The following MYH14 variants were observed in gnomAD, a reference collection of about 807,000 sequenced individuals.
MYH14 encodes myosin-14.
Under a neutral mutation model 255.5 loss-of-function variants are expected in MYH14, and 123 were observed. The observed-to-expected ratio is 0.48, with a 90% CI of 0.42 to 0.56. The LOEUF (loss-of-function observed/expected upper bound fraction) is 0.56, where lower values mean the gene tolerates loss of function less well. Ranked by LOEUF, MYH14 falls within the 20% of genes least tolerant of loss-of-function variation. The probability of loss-of-function intolerance (pLI) is 0.00; values close to 1 mark genes in which losing one functional copy is unlikely to be tolerated. For synonymous variants in MYH14, 1,095 were observed against 1,161.2 expected (o/e 0.94, Z 1.16); for missense variants, 2,423 against 2,802.3 (o/e 0.86, Z 3.06).
rs780906800 is a variant in MYH14, at chr19:50,249,731, G to A, written c.1564G>A (p.Glu522Lys). 1 of 1,614,192 alleles carries A rather than the reference G, an allele frequency of 6.2e-7. No individual in the cohort carries two copies. The highest frequency in any genetic ancestry group is 1.1e-5 in the South Asian group (1 of 91,076). Reference sequence around the variant, plus strand: ...CTTCAACCACACCATGTTCGTGCTGGAGCAGGAGGAGTACCAGCGTGAGGG... The same window carrying A: ...CTTCAACCACACCATGTTCGTGCTGAAGCAGGAGGAGTACCAGCGTGAGGG... Reference protein sequence around the residue: ...QLFNHTMFVLEQEEYQREGIP... With the variant: ...QLFNHTMFVLKQEEYQREGIP... The change falls in exon 14 of 43, where the codon GAG becomes AAG. Residue 522 changes from glutamate to lysine, a missense_variant. Glu to Lys is a moderately conservative substitution (Grantham distance 56, BLOSUM62 1). Transcript: ENST00000642316.
chr19:50,232,049 T>C lies in MYH14; in HGVS notation c.1093T>C (p.Phe365Leu), dbSNP rs1156353254. 6.2e-7 allele frequency: 1 copy of C among 1,612,526 alleles called. No individual in the cohort carries two copies. The highest frequency in any genetic ancestry group is 8.5e-7 in the Non-Finnish European group (1 of 1,179,880). Residue 365 changes from phenylalanine (F) to leucine (L), a missense_variant, in exon 10 of 43, where the codon TTC becomes CTC. Phe to Leu is a conservative substitution (Grantham distance 22, BLOSUM62 0). Coordinates refer to ENST00000642316, the MANE Select transcript of MYH14 (RefSeq NM_001145809.2). ...GCTGGAGTCGCTGCGGGTCCTGGGA[T>C]TCAGCCACGAGGAAATCATCTGTGA... ...ETLESLRVLG[F>L]SHEEIISMLR...
chr19:50,225,131 A>T (rs1186639808), intron 6 of MYH14, among the ~76,000 whole-genome samples: 1 of 152,166 alleles, frequency 6.6e-6, no homozygotes, highest in African/African-American at 2.4e-5. Flanking sequence ...AACAAATCAG[A>T]TGAAATGAAA....
chr19:50,261,750 G>A (rs1331170546), intron 21 of MYH14, 115 bp downstream of exon 21: 6 of 970,708 alleles, frequency 6.2e-6, no homozygotes, highest in Admixed American at 3.5e-5. Context: ...CTGAGGAGCA[G>A]GTGGATGGAG....
At chr19:50,223,625 T>C (rs1008474051) in intron 5 of MYH14, among the ~76,000 whole-genome samples, 1 of 152,200 alleles carries the variant, frequency 6.6e-6, no homozygotes, top group African/African-American at 2.4e-5. Context: ...TCAAGCCTGA[T>C]TTTAGGTGAT....
At position 50,249,694 on chromosome 19, in the gene MYH14, G is replaced by A. The variant is rs1207319719; in HGVS notation, c.1527G>A (p.Lys509=). 1.2e-6 allele frequency: 2 copies of A among 1,614,088 alleles called. No homozygotes were observed. The highest frequency in any genetic ancestry group is 1.3e-5 in the African/African-American group (1 of 74,924). The change falls in exon 14 of 43, where the codon AAG becomes AAA. Residue 509 remains lysine (K), a synonymous_variant. Coordinates refer to ENST00000642316, the MANE Select transcript of MYH14 (RefSeq NM_001145809.2). Reference sequence around the variant, plus strand: ...TCTGCATCAACTACACCAACGAGAAGCTGCAGCAGCTCTTCAACCACACCA... The same window carrying A: ...TCTGCATCAACTACACCAACGAGAAACTGCAGCAGCTCTTCAACCACACCA... The part of the protein sequence containing the change: ...EQLCINYTNE[K]LQQLFNHTMF...
chr19:50,227,048 T>G, intron 8 of MYH14, 82 bp downstream of exon 8: 1 of 1,214,426 alleles, frequency 8.2e-7, no homozygotes, highest in Non-Finnish European at 1.2e-6. Flanking sequence ...CACCTCCCAC[T>G]GCAGGGACCC....
Position 50,221,809 on chromosome 19 carries a change from G to A in MYH14, c.563-1274G>A, listed in dbSNP as rs372109825. ...TGCTTTAAAACCCATCCCACCACTC[G>A]CCATCTCTGCCCTATCCCCCAACCT... On this transcript the variant is annotated intron_variant, in intron 3 of 42. Transcript: ENST00000642316. The surrounding 1 kb of genome is among the most constrained non-coding windows in gnomAD (Gnocchi z 5.3). Among the ~76,000 whole-genome samples the A allele has an allele frequency of 1.3e-5, 2 of 152,002 alleles. No homozygotes were observed. Among genetic ancestry groups the A allele is most frequent in the African/African-American group, 2.4e-5 (1 of 41,390 alleles).
intron 27 of MYH14, among the ~76,000 whole-genome samples, chr19:50,272,984 T>A (rs1482613194): frequency 6.6e-6 from 1 of 151,984 alleles, no homozygotes; most frequent in African/African-American, 2.4e-5. Flanking sequence ...CAGTGCACAA[T>A]GGGAACAAGA....
intron 19 of MYH14, 35 bp downstream of exon 19, chr19:50,259,300 G>A (rs1381179425): frequency 6.4e-7 from 1 of 1,551,230 alleles, no homozygotes; most frequent in Non-Finnish European, 8.7e-7. Context: ...CCGGCGGAGG[G>A]GCTGGGTGGG....
At chr19:50,208,067 C>A (rs1027943925) in intron 1 of MYH14, among the ~76,000 whole-genome samples, 6 of 152,192 alleles carry the variant, frequency 3.9e-5, no homozygotes, top group African/African-American at 1.4e-4. Context: ...CATCCTCAAC[C>A]CTAACATTTC....
chr19:50,271,062 A>T, intron 24 of MYH14, among the ~76,000 whole-genome samples: 1 of 151,706 alleles, frequency 6.6e-6, no homozygotes, highest in Non-Finnish European at 1.5e-5. Context: ...TTCCACAAGG[A>T]TAGGTGTTCC....
intron 35 of MYH14, among the ~76,000 whole-genome samples, chr19:50,290,021 A>G (rs1251268068): frequency 6.6e-6 from 1 of 151,472 alleles, no homozygotes; most frequent in Non-Finnish European, 1.5e-5. Flanking sequence ...CACCACACAA[A>G]CCATTCACCC....
Position 50,309,134 on chromosome 19 carries a change from G to A in MYH14, c.5917G>A (p.Glu1973Lys), listed in dbSNP as rs1383282169. 6.2e-6 allele frequency: 10 copies of A among 1,613,892 alleles called. No homozygotes were observed. Among genetic ancestry groups the A allele is most frequent in the Admixed American group, 5.0e-5 (3 of 60,012 alleles). ...GCTGGAAGATGTCACAGAGTCGGCC[G>A]AGTCCATGAACCGTGAAGTGACCAC... Reference protein sequence around the residue: ...RELEDVTESAESMNREVTTLR... With the variant: ...RELEDVTESAKSMNREVTTLR... Residue 1973 changes from glutamate to lysine, a missense_variant, in exon 42 of 43, where the codon GAG (glutamate) becomes AAG (lysine). Glu to Lys is a moderately conservative substitution (Grantham distance 56, BLOSUM62 1). Transcript: ENST00000642316.
intron 37 of MYH14, among the ~76,000 whole-genome samples, chr19:50,292,638 G>A (rs1243463328): frequency 6.6e-6 from 1 of 152,118 alleles, no homozygotes; most frequent in Non-Finnish European, 1.5e-5. Flanking sequence ...CATGTGGCCT[G>A]CAATGCCAGC....
At position 50,280,011 on chromosome 19, in the gene MYH14, G is replaced by C. The variant is rs1311862441; in HGVS notation, c.4033-26G>C. On this transcript the variant is annotated intron_variant, in intron 30 of 42. Coordinates refer to ENST00000642316, the MANE Select transcript of MYH14 (RefSeq NM_001145809.2). The surrounding 1 kb of genome is among the most constrained non-coding windows in gnomAD (Gnocchi z 4.8). Reference sequence around the variant, plus strand: ...ACTGGGTGGAAGCCACGATTGGAGGGCTTCATTCCCGTCCCTTCCCTGCAG... The same window carrying C: ...ACTGGGTGGAAGCCACGATTGGAGGCCTTCATTCCCGTCCCTTCCCTGCAG... The C allele has an allele frequency of 6.4e-7, 1 of 1,560,366 alleles. No individual in the cohort carries two copies. Among genetic ancestry groups the C allele is most frequent in the Middle Eastern group, 1.7e-4 (1 of 6,012 alleles).
chr19:50,223,829 C>T (rs1487185016), intron 5 of MYH14, among the ~76,000 whole-genome samples: 4 of 152,196 alleles, frequency 2.6e-5, no homozygotes, highest in African/African-American at 7.2e-5. Flanking sequence ...ACAGTGAGGC[C>T]GGGCACAGTG....
In MYH14 at chr19:50,217,618, T is replaced by C; in HGVS notation, c.409T>C (p.Tyr137His). The change falls in exon 3 of 43, where the codon TAC (tyrosine) becomes CAC (histidine). Residue 137 changes from tyrosine (Y) to histidine (H), a missense_variant. Around this residue, in one of 3 missense-constraint regions of MYH14, gnomAD observed 238 missense variants for 245.8 expected, o/e 0.97. Coordinates refer to ENST00000642316, the MANE Select transcript of MYH14 (RefSeq NM_001145809.2). ...ERYYSGLIYT[Y>H]SGLFCVVINP... is the part of the protein sequence containing the mutation. ...TCTCCCCTCTCACCCACTGCAGACG[T>C]ACTCCGGCCTTTTCTGTGTGGTCAT... 1 of 1,614,042 alleles carries C rather than the reference T, an allele frequency of 6.2e-7. No homozygotes were observed. Among genetic ancestry groups the C allele is most frequent in the Non-Finnish European group, 8.5e-7 (1 of 1,179,898 alleles).
At chr19:50,283,604 C>T (rs185003498) in intron 33 of MYH14, among the ~76,000 whole-genome samples, 125 of 152,182 alleles carry the variant, frequency 8.2e-4, no homozygotes, top group Non-Finnish European at 1.3e-3. Context: ...ATGGATAAAA[C>T]CTTAGTCTTT....
intron 16 of MYH14, among the ~76,000 whole-genome samples, chr19:50,253,967 C>A (rs769724044): frequency 1.3e-5 from 2 of 152,138 alleles, no homozygotes; most frequent in Non-Finnish European, 2.9e-5. Context: ...CCTGTAATCC[C>A]AGCACTTTGG....
Sources: gnomAD v4.1 joint callset for allele counts (sites outside exome capture counted in the v4.1 genomes callset) on GRCh38, gnomAD v4.1.1 for gene constraint, gnomAD v4.1.1 regional missense constraint, Gnocchi (gnomAD v3.1) non-coding constraint, MANE v1.5 for transcripts, NCBI Gene and HGNC (gene_info 2026-07-23, HGNC 2026-07-21) for gene names.